The following RGS6 variants were observed in gnomAD, a reference collection of about 807,000 sequenced individuals.
RGS6 encodes regulator of G protein signaling 6.
Under a neutral mutation model 78.5 loss-of-function variants are expected in RGS6, and 30 were observed. That is an observed-to-expected ratio of 0.38 (90% CI 0.29 to 0.52). RGS6 has a LOEUF of 0.52. RGS6 is among the 20% of genes least tolerant of loss of function. RGS6 has a pLI of 0.85. For missense variants in RGS6, 495 were observed against 609.7 expected, an observed-to-expected ratio of 0.81 and a Z score of 1.98; for synonymous variants, 206 against 206.0, an observed-to-expected ratio of 1.00 and a Z score of 0.00.
intron 3 of RGS6, among the ~76,000 whole-genome samples, chr14:72,358,314 G>T (rs889345377): frequency 4.6e-5 from 7 of 152,202 alleles, no homozygotes; most frequent in African/African-American, 1.4e-4. Context: ...GCTGTAAGAA[G>T]AGGGCCACTG....
chr14:71,873,544 C>T, the RGS6 span, among the ~76,000 whole-genome samples: 1 of 151,988 alleles, frequency 6.6e-6, no homozygotes, highest in African/African-American at 2.4e-5. Flanking sequence ...GGATATTAGC[C>T]CTTTGTCAGA....
intron 2 of RGS6, among the ~76,000 whole-genome samples, chr14:72,325,405 G>A (rs1426393457): frequency 2.0e-5 from 3 of 152,154 alleles, no homozygotes; most frequent in Non-Finnish European, 4.4e-5. Context: ...TGCTTTTGGT[G>A]TTTTAGTCAT....
chr14:72,137,719 G>A (rs2096467299), intron 2 of RGS6, among the ~76,000 whole-genome samples: 1 of 152,208 alleles, frequency 6.6e-6, no homozygotes, highest in Admixed American at 6.5e-5. Flanking sequence ...GAGTGCAGGA[G>A]CTTCTGTCCC....
At chr14:71,869,971 C>T in the RGS6 span, among the ~76,000 whole-genome samples, 2 of 152,166 alleles carry the variant, frequency 1.3e-5, no homozygotes, top group Admixed American at 1.3e-4. Flanking sequence ...TTGGACTTCT[C>T]ATCCTCCAGA....
intron 1 of RGS6, among the ~76,000 whole-genome samples, chr14:71,952,629 A>T (rs1008333164): frequency 1.3e-5 from 2 of 151,884 alleles, no homozygotes; most frequent in Admixed American, 6.6e-5. Context: ...TATTTCTTTG[A>T]TCTATATTGC....
At chr14:71,980,017 G>A (rs538407585) in intron 2 of RGS6, among the ~76,000 whole-genome samples, 25 of 138,448 alleles carry the variant, frequency 1.8e-4, no homozygotes, top group African/African-American at 6.3e-4. Flanking sequence ...ATTATGTAAT[G>A]GCCTTCTTTG....
chr14:72,360,348 C>T (rs535945021), intron 3 of RGS6, among the ~76,000 whole-genome samples: 34 of 151,370 alleles, frequency 2.2e-4, no homozygotes, highest in Non-Finnish European at 4.3e-4. Context: ...GGTGAAACCC[C>T]GTCTCTACTA....
chr14:72,627,609 T>A, the RGS6 span, among the ~76,000 whole-genome samples: 2 of 152,116 alleles, frequency 1.3e-5, no homozygotes, highest in Non-Finnish European at 2.9e-5. Context: ...AGTTTGTTTA[T>A]CAGTATTTTC....
intron 3 of RGS6, among the ~76,000 whole-genome samples, chr14:72,389,886 T>C (rs995920131): frequency 1.3e-5 from 2 of 152,226 alleles, no homozygotes; most frequent in African/African-American, 4.8e-5. Context: ...TTAATGAGTC[T>C]ATTGAATTAG....
At chr14:72,470,447 G>A (rs1162792328) in intron 8 of RGS6, among the ~76,000 whole-genome samples, 1 of 152,080 alleles carries the variant, frequency 6.6e-6, no homozygotes, top group Non-Finnish European at 1.5e-5. Flanking sequence ...GGGAAAACAG[G>A]TTGGAGTTTT....
intron 3 of RGS6, among the ~76,000 whole-genome samples, chr14:72,403,091 C>G (rs577403634): frequency 4.2e-4 from 64 of 151,928 alleles, no homozygotes; most frequent in Non-Finnish European, 8.2e-4. Context: ...ATGCCCAGCC[C>G]CATTACTAGG....
At chr14:72,466,990 C>A (rs991678595) in intron 7 of RGS6, among the ~76,000 whole-genome samples, 24 of 151,588 alleles carry the variant, frequency 1.6e-4, no homozygotes, top group African/African-American at 4.9e-4. Flanking sequence ...TACTTCCCAG[C>A]TTTCTTACCT....
chr14:72,341,672 G>A (rs896614155), intron 2 of RGS6, among the ~76,000 whole-genome samples: 1 of 152,174 alleles, frequency 6.6e-6, no homozygotes, highest in African/African-American at 2.4e-5. Context: ...GCCGAATGAT[G>A]GAGGACCTTG....
At chr14:72,001,572 T>C (rs2083445381) in intron 2 of RGS6, among the ~76,000 whole-genome samples, 1 of 151,990 alleles carries the variant, frequency 6.6e-6, no homozygotes, top group East Asian at 1.9e-4. Flanking sequence ...AAACTAACTC[T>C]AGAGTTTCAG....
At chr14:72,625,145 A>G in the RGS6 span, among the ~76,000 whole-genome samples, 436 of 152,266 alleles carry the variant, frequency 2.9e-3, no homozygotes, top group African/African-American at 9.9e-3. Flanking sequence ...TAATTTTAGC[A>G]TCAATTGACA....
intron 9 of RGS6, among the ~76,000 whole-genome samples, chr14:72,473,269 C>T (rs1475923282): frequency 1.3e-5 from 2 of 152,296 alleles, no homozygotes; most frequent in Non-Finnish European, 2.9e-5. Context: ...CGGTGAAACC[C>T]CGTCGCTACT....
chr14:72,612,727 A>G, the RGS6 span: 1 of 424,224 alleles, frequency 2.4e-6, no homozygotes, highest in Non-Finnish European at 4.7e-6. Flanking sequence ...CAGAATTGAG[A>G]CTTTTGAAGT....
chr14:72,222,228 A>G (rs376891269), intron 2 of RGS6, among the ~76,000 whole-genome samples: 131 of 152,346 alleles, frequency 8.6e-4, no homozygotes, highest in African/African-American at 3.1e-3. Context: ...TCTGCCTGTG[A>G]TGACAAGCCA....
At chr14:72,112,041 C>A (rs146674020) in intron 2 of RGS6, among the ~76,000 whole-genome samples, 22 of 152,350 alleles carry the variant, frequency 1.4e-4, no homozygotes, top group Non-Finnish European at 2.5e-4. Context: ...AATCCATTGG[C>A]ATGCGGAGCT....
Sources: gnomAD v4.1 joint callset for allele counts (sites outside exome capture counted in the v4.1 genomes callset) on GRCh38, gnomAD v4.1.1 for gene constraint, MANE v1.5 for transcripts, NCBI Gene and HGNC (gene_info 2026-07-23, HGNC 2026-07-21) for gene names.